Variants in METTL3 observed in about 807,000 individuals in gnomAD.
METTL3 encodes N(6)-adenosine-methyltransferase catalytic subunit METTL3.
A neutral mutation model predicts 64.3 loss-of-function variants in METTL3; 42 were observed. The ratio of observed to expected loss-of-function variants is 0.65; its 90% confidence interval spans 0.51 to 0.84. The LOEUF is 0.84. Ranked by LOEUF, METTL3 falls within the 40% of genes least tolerant of loss-of-function variation. METTL3 has a pLI of 0.00. For synonymous variants in METTL3, 256 were observed against 263.6 expected (o/e 0.97, Z 0.28); for missense variants, 435 against 722.3 (o/e 0.60, Z 4.56).
chr14:21,501,513 A>T, intron 4 of METTL3: 1 of 617,196 alleles, frequency 1.6e-6, no homozygotes, highest in Non-Finnish European at 2.8e-6. Context: ...AGAGGGAGGG[A>T]GCTTTTAAAA....
At chr14:21,499,409 C>G in intron 8 of METTL3, 38 bp from the exon 9 acceptor site, 1 of 1,613,154 alleles carries the variant, frequency 6.2e-7, no homozygotes, top group Non-Finnish European at 8.5e-7. Flanking sequence ...TATGAAACCA[C>G]ACCTTTGAAC....
At chr14:21,498,491 A>G (rs1891466100) in intron 10 of METTL3, 122 bp from the exon 11 acceptor site, 3 of 875,438 alleles carry the variant, frequency 3.4e-6, no homozygotes, top group Non-Finnish European at 5.3e-6. Flanking sequence ...AATTCTAAAA[A>G]GAGCTTAACA....
chr14:21,500,066 G>A (rs1472542789), intron 6 of METTL3, among the ~76,000 whole-genome samples: 2 of 151,992 alleles, frequency 1.3e-5, no homozygotes, highest in African/African-American at 4.8e-5. Context: ...GGACTCAGTA[G>A]AAAAAAAGAC....
At chr14:21,498,972 TTAATCA>T in intron 10 of METTL3, 47 bp downstream of exon 10, 4 of 1,273,224 alleles carry the variant, frequency 3.1e-6, no homozygotes, top group Non-Finnish European at 3.4e-6. Context: ...AGTTCTGTCC[TTAATCA>T]TAAATAATAG....
chr14:21,505,996 T>C (rs543752139), intron 1 of METTL3, among the ~76,000 whole-genome samples: 2 of 152,336 alleles, frequency 1.3e-5, no homozygotes, highest in South Asian at 4.1e-4. Flanking sequence ...ACTGGAGCAC[T>C]TCACATATTT....
In METTL3 at chr14:21,503,933, A is replaced by G. The variant is rs149653932; in HGVS notation, c.101-52T>C. 4.8e-5 allele frequency: 74 copies of G among 1,549,556 alleles called. 1 individual carries two copies. In the East Asian group the frequency reaches 1.4e-3, roughly 30 times the overall value. ...AAAAAGGCAACCACTGTTGGTCTATATATTTCTGAGAAGTCAAATTCTCTA... is the reference window on the plus strand; with the variant it reads ...AAAAAGGCAACCACTGTTGGTCTATGTATTTCTGAGAAGTCAAATTCTCTA... On this transcript the variant is annotated intron_variant, in intron 1 of 10. Coordinates refer to ENST00000298717, the MANE Select transcript of METTL3 (RefSeq NM_019852.5).
At chr14:21,506,608 C>A (rs559771474) in intron 1 of METTL3, among the ~76,000 whole-genome samples, 2 of 152,328 alleles carry the variant, frequency 1.3e-5, no homozygotes, top group East Asian at 3.9e-4. Context: ...GATATTCATA[C>A]ACCCAGGTTC....
In METTL3 at chr14:21,503,415, C is replaced by T. The variant is rs906238397; in HGVS notation, c.481G>A (p.Ala161Thr). The change falls in exon 3 of 11, where the codon GCA becomes ACA. Residue 161 changes from alanine to threonine, a missense_variant. Transcript: ENST00000298717. Reference sequence around the variant, plus strand: ...ACCTCCCCAGGGCCCTTCTTTTCTGCCACAGCACCCATCATGGCAGAGAGC... The same window carrying T: ...ACCTCCCCAGGGCCCTTCTTTTCTGTCACAGCACCCATCATGGCAGAGAGC... ...SKLSAMMGAVAEKKGPGEVAG... is the reference protein window; with the variant it reads ...SKLSAMMGAVTEKKGPGEVAG... 1.2e-6 allele frequency: 2 copies of T among 1,614,036 alleles called. No homozygotes were observed. Among genetic ancestry groups the T allele is most frequent in the Admixed American group, 1.7e-5 (1 of 60,002 alleles).
At chr14:21,509,620 T>A (rs1891780933) in intron 1 of METTL3, 1 of 151,932 alleles carries the variant, frequency 6.6e-6, no homozygotes, top group African/African-American at 2.4e-5. Flanking sequence ...GGCATGCACC[T>A]GTAGTCCTAG....
rs1891504229 is a variant in METTL3 at position 21,499,608 on chromosome 14, G to A, written c.1344-8C>T. 1.2e-6 allele frequency: 2 copies of A among 1,610,798 alleles called. No homozygotes were observed. The highest frequency in any genetic ancestry group is 1.3e-5 in the African/African-American group (1 of 74,812). On this transcript the variant is annotated splice_polypyrimidine_tract_variant and splice_region_variant and intron_variant, in intron 7 of 10. Transcript: ENST00000298717. ...TCATCTACCCGTTCATACCTGTGGG[G>A]CATAAAAAAGAACTAGAATTTTAGC...
chr14:21,506,988 C>T (rs976616115), intron 1 of METTL3, among the ~76,000 whole-genome samples: 20 of 152,030 alleles, frequency 1.3e-4, no homozygotes, highest in Non-Finnish European at 1.5e-4. Context: ...ACCATGTTGG[C>T]CAGGCTGGTC....
In METTL3 at chr14:21,500,488, G is replaced by C. The variant is rs1891535807; in HGVS notation, c.1304+7C>G. The C allele has an allele frequency of 1.2e-6, 2 of 1,613,808 alleles. No individual in the cohort carries two copies. Among genetic ancestry groups the C allele is most frequent in the African/African-American group, 2.7e-5 (2 of 74,896 alleles). ...CTGTCCATACCTACGTAACTGAATT[G>C]CATTACCTGCCTGTGACCCAGAGGA... is the stretch of plus-strand genomic sequence containing the variant. On this transcript the variant is annotated splice_region_variant and intron_variant, in intron 6 of 10. Transcript: ENST00000298717.
chr14:21,504,765 T>C (rs2139646968), intron 1 of METTL3: 1 of 145,870 alleles, frequency 6.9e-6, no homozygotes, highest in East Asian at 2.0e-4. Flanking sequence ...ACCCCATCTC[T>C]ACTAAAATAC....
intron 4 of METTL3, 50 bp downstream of exon 4, chr14:21,501,678 G>A: frequency 6.2e-7 from 1 of 1,611,500 alleles, no homozygotes; most frequent in Non-Finnish European, 8.5e-7. Context: ...TGCTGAAAAG[G>A]AATGGCTGCT....
chr14:21,510,844 C>T, intron 1 of METTL3: 1 of 396,654 alleles, frequency 2.5e-6, no homozygotes, highest in Non-Finnish European at 4.6e-6. Flanking sequence ...AGGCGACGTC[C>T]TCGCAGTCTG....
intron 3 of METTL3, 97 bp downstream of exon 3, chr14:21,503,076 C>T (rs1038339612): frequency 7.6e-7 from 1 of 1,322,458 alleles, no homozygotes; most frequent in African/African-American, 1.5e-5. Flanking sequence ...AGTTGAGAAC[C>T]ACTGCTGTAA....
intron 10 of METTL3, chr14:21,498,627 C>G (rs1170364046): frequency 3.8e-6 from 2 of 529,982 alleles, no homozygotes; most frequent in South Asian, 2.6e-5. Flanking sequence ...CACAGAGTTG[C>G]TACCAGGGAG....
chr14:21,499,281 CTT>C lies in METTL3; in HGVS notation c.1518+23_1518+24del, dbSNP rs1208271645. The C allele has an allele frequency of 1.9e-6, 3 of 1,613,902 alleles. No homozygotes were observed. In the South Asian group the frequency reaches 3.3e-5, roughly 18 times the overall value. On this transcript the variant is annotated intron_variant, in intron 9 of 10. Transcript: ENST00000298717. ...ACTGATACCAACAAAAATGTGGAAG[CTT>C]TGGAGGCCTGGGAAGCACATACCTC...
chr14:21,504,507 A>C (rs1010442027), intron 1 of METTL3: 1 of 152,388 alleles, frequency 6.6e-6, no homozygotes, highest in Non-Finnish European at 1.5e-5. Flanking sequence ...ACAAAATGTT[A>C]TCTTTGAGAA....
Sources: gnomAD v4.1 joint callset for allele counts (sites outside exome capture counted in the v4.1 genomes callset) on GRCh38, gnomAD v4.1.1 for gene constraint, MANE v1.5 for transcripts, NCBI Gene and HGNC (gene_info 2026-07-23, HGNC 2026-07-21) for gene names.